B2M: variants seen among roughly 807,000 people sequenced by gnomAD.
B2M encodes beta chain of MHC class I molecules.
A neutral mutation model predicts 14.5 loss-of-function variants in B2M; 3 were observed. That is an observed-to-expected ratio of 0.21 (90% confidence interval 0.09 to 0.53). B2M has a LOEUF of 0.53. Ranked by LOEUF, B2M falls within the 20% of genes least tolerant of loss-of-function variation. The pLI is 0.95. For missense variants in B2M, 107 were observed against 140.8 expected (o/e 0.76, Z 1.21); for synonymous variants, 45 against 52.7 (o/e 0.85, Z 0.64).
At chr15:44,716,488 C>A in intron 3 of B2M, 132 bp downstream of exon 3, 3 of 1,021,068 alleles carry the variant, frequency 2.9e-6, no homozygotes, top group Non-Finnish European at 4.5e-6. Context: ...AAAGAAGAAT[C>A]CTACAGGGTC....
intron 3 of B2M, chr15:44,716,737 C>G (rs1328270134): frequency 7.5e-6 from 2 of 268,048 alleles, no homozygotes; most frequent in African/African-American, 4.4e-5. Context: ...TTGTTTTATT[C>G]TTCAGACAGA....
At position 44,717,892 on chromosome 15, in the gene B2M, A is replaced by T. The variant is rs1279768996; in HGVS notation, c.*300A>T. 1 of 152,208 alleles carries T rather than the reference A, an allele frequency of 6.6e-6. No individual in the cohort carries two copies. The highest frequency in any genetic ancestry group is 2.4e-5 in the African/African-American group (1 of 41,436). 9.4% of individuals were successfully genotyped at this position (152,208 alleles called of 1,614,324 possible). Reference sequence around the variant, plus strand: ...CATCTTGGTCAGATTTGAACTCTTCAATCTCTTGCACTCAAAGCTTGTTAA... The same window carrying T: ...CATCTTGGTCAGATTTGAACTCTTCTATCTCTTGCACTCAAAGCTTGTTAA... On this transcript the variant is annotated 3_prime_UTR_variant, in exon 4 of 4. Coordinates refer to ENST00000648006, the MANE Select transcript of B2M (RefSeq NM_004048.4).
chr15:44,714,738 C>CAAAAAATA (rs550903745), intron 1 of B2M: 1 of 151,928 alleles, frequency 6.6e-6, no homozygotes, highest in Non-Finnish European at 1.5e-5. Flanking sequence ...GATTCCATCC[C>CAAAAAATA]AAAAAATAAA....
chr15:44,715,450 G>A lies in B2M; in HGVS notation c.95G>A (p.Arg32His), dbSNP rs2086930091. ...ACTCCAAAGATTCAGGTTTACTCACGTCATCCAGCAGAGAATGGAAAGTCA... is the reference window on the plus strand; with the variant it reads ...ACTCCAAAGATTCAGGTTTACTCACATCATCCAGCAGAGAATGGAAAGTCA... ...QRTPKIQVYS[R>H]HPAENGKSNF... is the part of the protein sequence containing the mutation. The change falls in exon 2 of 4, where the codon CGT becomes CAT. Residue 32 changes from arginine (R) to histidine (H), a missense_variant. Physicochemically the swap from Arg to His is conservative, Grantham distance 29. Transcript: ENST00000648006. The A allele has an allele frequency of 3.1e-6, 5 of 1,613,886 alleles. No homozygotes were observed. Among genetic ancestry groups the A allele is most frequent in the Admixed American group, 1.7e-5 (1 of 59,988 alleles).
chr15:44,715,586 C>G lies in B2M; in HGVS notation c.231C>G (p.Ser77Arg), dbSNP rs2086932185. Residue 77 changes from serine (S) to arginine (R), a missense_variant, in exon 2 of 4, where the codon AGC becomes AGG. By Grantham distance (110) the Ser-to-Arg change is moderately radical. Transcript: ENST00000648006. Reference sequence around the variant, plus strand: ...TGGAGCATTCAGACTTGTCTTTCAGCAAGGACTGGTCTTTCTATCTCTTGT... The same window carrying G: ...TGGAGCATTCAGACTTGTCTTTCAGGAAGGACTGGTCTTTCTATCTCTTGT... ...EKVEHSDLSF[S>R]KDWSFYLLYY... 4 of 1,614,076 alleles carry G rather than the reference C, an allele frequency of 2.5e-6. No individual in the cohort carries two copies. Among genetic ancestry groups the G allele is most frequent in the Non-Finnish European group, 3.4e-6 (4 of 1,180,048 alleles).
intron 1 of B2M, 88 bp from the exon 2 acceptor site, chr15:44,715,335 A>T (rs933835179): frequency 4.8e-6 from 7 of 1,455,240 alleles, no homozygotes; most frequent in Non-Finnish European, 6.7e-6. Flanking sequence ...AAATGTAAAC[A>T]CTTGGTGCCT....
At chr15:44,714,550 T>C (rs2086920617) in intron 1 of B2M, 1 of 151,200 alleles carries the variant, frequency 6.6e-6, no homozygotes, top group Non-Finnish European at 1.5e-5. Flanking sequence ...AAGTTGGGAG[T>C]TCAAGACCAG....
chr15:44,712,454 T>C (rs1595997441), intron 1 of B2M, among the ~76,000 whole-genome samples: 1 of 152,240 alleles, frequency 6.6e-6, no homozygotes, highest in Non-Finnish European at 1.5e-5. Context: ...TTTAAGAAAC[T>C]TAATTACACA....
At chr15:44,714,054 A>G (rs2086916022) in intron 1 of B2M, 1 of 152,174 alleles carries the variant, frequency 6.6e-6, no homozygotes, top group African/African-American at 2.4e-5. Context: ...TTCAATGAAA[A>G]ATATAGAGTT....
At chr15:44,715,742 A>G (rs772435624) in intron 2 of B2M, 41 bp downstream of exon 2, 10 of 1,610,352 alleles carry the variant, frequency 6.2e-6, no homozygotes, top group South Asian at 3.3e-5. Flanking sequence ...AAAGTTGTGT[A>G]TGAGTAGTCA....
intron 1 of B2M, among the ~76,000 whole-genome samples, chr15:44,712,274 A>T (rs1402849671): frequency 6.6e-6 from 1 of 152,190 alleles, no homozygotes; most frequent in Non-Finnish European, 1.5e-5. Flanking sequence ...TTCCCATCAC[A>T]TGTCACTTTT....
At chr15:44,712,257 T>G (rs1193164511) in intron 1 of B2M, among the ~76,000 whole-genome samples, 1 of 152,220 alleles carries the variant, frequency 6.6e-6, no homozygotes, top group Non-Finnish European at 1.5e-5. Flanking sequence ...AATAATTAAC[T>G]TATTTGTTCC....
intron 1 of B2M, chr15:44,714,875 A>G: frequency 5.2e-6 from 1 of 193,594 alleles, no homozygotes; most frequent in Non-Finnish European, 1.1e-5. Context: ...CAGTTTAGAA[A>G]ATCAGATGGG....
In B2M at chr15:44,711,627, A is replaced by G. The variant is rs779833703; in HGVS notation, c.67+14A>G. ...AGGCTATCCAGCGTGAGTCTCTCCT[A>G]CCCTCCCGCTCTGGTCCTTCCTCTC... On this transcript the variant is annotated intron_variant, in intron 1 of 3. Transcript: ENST00000648006. 1 of 1,610,822 alleles carries G rather than the reference A, an allele frequency of 6.2e-7. No individual in the cohort carries two copies. The highest frequency in any genetic ancestry group is 1.7e-5 in the Admixed American group (1 of 59,992).
intron 1 of B2M, chr15:44,711,947 C>A: frequency 2.1e-6 from 1 of 481,040 alleles, no homozygotes; most frequent in South Asian, 2.1e-5. Flanking sequence ...TCCGCTCTTT[C>A]GCGGGGCCTC....
At chr15:44,716,122 T>G (rs1221791219) in intron 2 of B2M, 1 of 635,850 alleles carries the variant, frequency 1.6e-6, no homozygotes, top group Non-Finnish European at 2.7e-6. Flanking sequence ...CCTGGACTTC[T>G]CCAGTACTTT....
In B2M at chr15:44,716,160, A is replaced by G. The variant is rs1595999832; in HGVS notation, c.347-169A>G. The G allele has an allele frequency of 4.1e-6, 3 of 734,338 alleles. No homozygotes were observed. In the Admixed American group the frequency reaches 7.2e-5, roughly 18 times the overall value. The allele number at this position is 734,338 out of a possible 1,614,324, so 45.5% of individuals were successfully genotyped here. A position where few individuals can be genotyped will look rare whatever the true frequency, so the allele number is the denominator to read the frequency against. On this transcript the variant is annotated intron_variant, in intron 2 of 3. Transcript: ENST00000648006. ...GGCTGGATTGGTATCTGAGGCTAGT[A>G]GGAAGGGCTTGTTCCTGCTGGGTAG...
chr15:44,712,688 TCTTA>T (rs1267733055), intron 1 of B2M: 3 of 152,316 alleles, frequency 2.0e-5, no homozygotes, highest in Non-Finnish European at 4.4e-5. Context: ...GTACTGTGCC[TCTTA>T]CTTTCGGTTT....
chr15:44,713,245 C>CA (rs1467067955), intron 1 of B2M: 1 of 152,042 alleles, frequency 6.6e-6, no homozygotes, highest in Non-Finnish European at 1.5e-5. Context: ...AATTTGAATA[C>CA]AATTTATTTA....
Sources: allele counts gnomAD v4.1 joint callset (sites outside exome capture counted in the v4.1 genomes callset), GRCh38; gene constraint gnomAD v4.1.1; transcripts MANE v1.5; gene names NCBI Gene and HGNC (gene_info 2026-07-23, HGNC 2026-07-21).